The following PAQR3 variants were observed in gnomAD, a reference collection of about 807,000 sequenced individuals.
PAQR3 encodes the protein Raf kinase trapping to Golgi.
A neutral mutation model predicts 41.7 loss-of-function variants in PAQR3; 39 were observed. The observed-to-expected ratio is 0.93, with a 90% CI of 0.72 to 1.22. PAQR3 has a LOEUF of 1.22. PAQR3 is among the 50% of genes most tolerant of loss of function. The pLI is 0.00. For synonymous variants in PAQR3, 140 were observed against 140.6 expected, an observed-to-expected ratio of 1.00 and a Z score of 0.03; for missense variants, 366 against 385.6, an observed-to-expected ratio of 0.95 and a Z score of 0.42.
chr4:78,928,607 G>A (rs775797169), intron 3 of PAQR3, among the ~76,000 whole-genome samples: 4 of 152,142 alleles, frequency 2.6e-5, no homozygotes, highest in Non-Finnish European at 4.4e-5. Flanking sequence ...CACTGCGGCC[G>A]ATCTTCCCAA....
downstream of PAQR3, among the ~76,000 whole-genome samples, chr4:78,910,358 C>T (rs1210276738): frequency 2.0e-5 from 3 of 152,132 alleles, no homozygotes; most frequent in African/African-American, 4.8e-5. Flanking sequence ...ATTTGGCTGT[C>T]AGTGAGAGTA....
intron 3 of PAQR3, among the ~76,000 whole-genome samples, chr4:78,928,143 A>G (rs1871706): frequency 0.84 from 127,525 of 152,220 alleles, 53,479 homozygotes; most frequent in East Asian, 0.9. Flanking sequence ...TCACTTTGAC[A>G]TTTAGCAAGA....
downstream of PAQR3, among the ~76,000 whole-genome samples, chr4:78,909,055 C>CTTTTTTT (rs1053664659): frequency 7.1e-4 from 67 of 94,408 alleles, no homozygotes; most frequent in Non-Finnish European, 8.5e-4. Context: ...TTCCCTTAGT[C>CTTTTTTT]TTTTTTTTTT....
chr4:78,912,241 T>C lies in PAQR3; in HGVS notation c.*8298A>G, dbSNP rs1484306220. 6 of 509,976 alleles carry C rather than the reference T, an allele frequency of 1.2e-5. No individual in the cohort carries two copies. The highest frequency in any genetic ancestry group is 1.1e-4 in the Admixed American group (3 of 27,804). The allele number at this position is 509,976 out of a possible 1,614,324, so 31.6% of individuals were successfully genotyped here. On this transcript the variant is annotated 3_prime_UTR_variant, in exon 6 of 6. Coordinates refer to ENST00000512733, the MANE Select transcript of PAQR3 (RefSeq NM_001040202.2). ...CTCTTCAGGAGAAAAGGGAGCTAAA[T>C]TGCAAGCTCTAACTAAGGGTTTCTG...
intron 3 of PAQR3, among the ~76,000 whole-genome samples, chr4:78,928,840 C>T (rs1158493684): frequency 1.3e-5 from 2 of 152,216 alleles, no homozygotes; most frequent in African/African-American, 4.8e-5. Flanking sequence ...AATGTAGAAT[C>T]ACTGGGAGCC....
intron 5 of PAQR3, chr4:78,922,077 C>G: frequency 9.7e-7 from 1 of 1,034,980 alleles, no homozygotes; most frequent in Non-Finnish European, 1.2e-6. Context: ...ACTTGTCTTG[C>G]TATAAAGAAA....
In PAQR3 at chr4:78,935,284, C is replaced by G; in HGVS notation, c.186-1G>C. On this transcript the variant is annotated splice_acceptor_variant, in intron 1 of 5. Transcript: ENST00000512733. LOFTEE classifies it high-confidence loss of function. ...TGTCTCATTAGATAAAATAAACAAA[C>G]TGGAAAATAAACACACATGCAACTG... 1 of 1,608,258 alleles carries G rather than the reference C, an allele frequency of 6.2e-7. No individual in the cohort carries two copies. The highest frequency in any genetic ancestry group is 8.5e-7 in the Non-Finnish European group (1 of 1,178,366).
downstream of PAQR3, chr4:78,911,832 C>T: frequency 2.5e-6 from 4 of 1,613,992 alleles, no homozygotes; most frequent in Non-Finnish European, 3.4e-6. Flanking sequence ...GTGCTGATCA[C>T]AATACTGTCC....
chr4:78,928,414 A>C (rs1281001656), intron 3 of PAQR3, among the ~76,000 whole-genome samples: 1 of 152,242 alleles, frequency 6.6e-6, no homozygotes. Context: ...ATTAGGCCTA[A>C]AAAGCAAAAA....
At position 78,935,189 on chromosome 4, in the gene PAQR3, C is replaced by T. The variant is rs1737300104; in HGVS notation, c.280G>A (p.Val94Met). 9 of 1,613,904 alleles carry T rather than the reference C, an allele frequency of 5.6e-6. No homozygotes were observed. The highest frequency in any genetic ancestry group is 7.6e-6 in the Non-Finnish European group (9 of 1,179,866). The change falls in exon 2 of 6, where the codon GTG (valine) becomes ATG (methionine). Residue 94 changes from valine (V) to methionine (M), a missense_variant. Coordinates refer to ENST00000512733, the MANE Select transcript of PAQR3 (RefSeq NM_001040202.2). ...FTLGIYDMTS[V>M]LPSASASRED... is the part of the protein sequence containing the mutation. The stretch of plus-strand genomic sequence containing the variant: ...CTGGACGCACTTGCTGAAGGTAACA[C>T]AGATGTCATGTCATATATTCCCAGG...
rs773569449 is a variant in PAQR3, at chr4:78,926,707, C to T, written c.516G>A (p.Gln172=). Residue 172 remains glutamine (Q), a synonymous_variant, in exon 4 of 6, where the codon CAG becomes CAA. Transcript: ENST00000512733. ...YAFYCNNYWR[Q]VYLITVLAMI... is the part of the protein sequence containing the mutation. ...TAGCAAGCACTGTGATCAAGTACACCTGACGCCAGTACTAGAATGAAAGGA... is the reference window on the plus strand; with the variant it reads ...TAGCAAGCACTGTGATCAAGTACACTTGACGCCAGTACTAGAATGAAAGGA... 1.3e-5 allele frequency: 21 copies of T among 1,613,522 alleles called. No homozygotes were observed. The highest frequency in any genetic ancestry group is 1.7e-5 in the Non-Finnish European group (20 of 1,179,594).
At chr4:78,889,729 C>T (rs1305710005) in intron 11 of PAQR3, among the ~76,000 whole-genome samples, 1 of 152,142 alleles carries the variant, frequency 6.6e-6, no homozygotes, top group Non-Finnish European at 1.5e-5. Context: ...AAAAACTACT[C>T]CCAGGTGTAT....
Position 78,916,433 on chromosome 4 carries a change from T to C in PAQR3, c.*4106A>G, listed in dbSNP as rs1301519971. On this transcript the variant is annotated 3_prime_UTR_variant, in exon 6 of 6. Transcript: ENST00000512733. Reference sequence around the variant, plus strand: ...TTTGGATGTAAACTTCTATTCAAATTCAGTTATTTCATTCACACCACAAAC... The same window carrying C: ...TTTGGATGTAAACTTCTATTCAAATCCAGTTATTTCATTCACACCACAAAC... 1.3e-5 allele frequency: 2 copies of C among 151,956 alleles called. No homozygotes were observed. The highest frequency in any genetic ancestry group is 2.4e-5 in the African/African-American group (1 of 41,440). 9.4% of individuals were successfully genotyped at this position (151,956 alleles called of 1,614,324 possible).
chr4:78,927,789 G>T (rs185950953), intron 3 of PAQR3, among the ~76,000 whole-genome samples: 102 of 152,322 alleles, frequency 6.7e-4, no homozygotes, highest in Non-Finnish European at 2.5e-4. Context: ...CAAAAGTCAC[G>T]TAAGACAAGA....
At chr4:78,904,282 C>T (rs1235337978) in intron 11 of PAQR3, among the ~76,000 whole-genome samples, 2 of 151,560 alleles carry the variant, frequency 1.3e-5, no homozygotes, top group Non-Finnish European at 3.0e-5. Context: ...GCATTTTTTG[C>T]CCTAAAATGT....
At chr4:78,925,056 C>T (rs1736052739) in intron 4 of PAQR3, among the ~76,000 whole-genome samples, 1 of 152,042 alleles carries the variant, frequency 6.6e-6, no homozygotes, top group African/African-American at 2.4e-5. Context: ...TAGAGCTTAT[C>T]AAAGAATTTC....
In PAQR3 at chr4:78,918,457, T is replaced by A. The variant is rs1215229416; in HGVS notation, c.*2082A>T. 2.1e-6 allele frequency: 2 copies of A among 964,488 alleles called. No homozygotes were observed. The highest frequency in any genetic ancestry group is 3.5e-5 in the African/African-American group (2 of 56,636). The allele number at this position is 964,488 out of a possible 1,614,324, so 59.7% of individuals were successfully genotyped here. On this transcript the variant is annotated 3_prime_UTR_variant, in exon 6 of 6. Transcript: ENST00000512733. ...ATTCATTCATTCATTCCCTATTTTA[T>A]AATAAATATATCATAGCAGTGAAAA...
downstream of PAQR3, chr4:78,911,018 C>T (rs758381303): frequency 1.2e-6 from 2 of 1,613,738 alleles, no homozygotes; most frequent in Admixed American, 3.3e-5. Flanking sequence ...AGAGACAGAT[C>T]TGGCAGTGGA....
chr4:78,931,185 T>TAAA (rs1553925635), intron 2 of PAQR3, among the ~76,000 whole-genome samples: 106 of 115,010 alleles, frequency 9.2e-4, no homozygotes, highest in African/African-American at 3.8e-3. Context: ...CCTCATTTCT[T>TAAA]AAAAAAAAAA....
Sources: allele counts gnomAD v4.1 joint callset (sites outside exome capture counted in the v4.1 genomes callset), GRCh38; gene constraint gnomAD v4.1.1; transcripts MANE v1.5; gene names NCBI Gene and HGNC (gene_info 2026-07-23, HGNC 2026-07-21).